Variants in NAV3 observed in about 807,000 individuals in gnomAD.
The protein encoded by NAV3 is pore membrane and/or filament interacting like protein 1.
Under a neutral mutation model 244.7 loss-of-function variants are expected in NAV3, and 87 were observed. The ratio of observed to expected loss-of-function variants is 0.36; its 90% confidence interval spans 0.30 to 0.42. The LOEUF (loss-of-function observed/expected upper bound fraction) is 0.42. Among genes scored for constraint, NAV3 ranks in the 20% least tolerant of loss-of-function variants. The pLI is 1.00. For synonymous variants in NAV3, 1,126 were observed against 1,042.2 expected (o/e 1.08, Z -1.55); for missense variants, 2,663 against 2,893.3 (o/e 0.92, Z 1.83).
intron 2 of NAV3, among the ~76,000 whole-genome samples, chr12:77,754,056 A>G (rs777470636): frequency 6.6e-6 from 1 of 152,148 alleles, no homozygotes; most frequent in Non-Finnish European, 1.5e-5. Context: ...AATACTTTTA[A>G]ATTATGAATT....
At chr12:77,637,809 A>C (rs773141709) in intron 2 of NAV3, among the ~76,000 whole-genome samples, 7 of 152,202 alleles carry the variant, frequency 4.6e-5, no homozygotes, top group Non-Finnish European at 8.8e-5. Context: ...TATGTGTTCT[A>C]TTAAGAAACT....
intron 12 of NAV3, among the ~76,000 whole-genome samples, chr12:78,104,271 C>T (rs995991137): frequency 1.3e-5 from 2 of 152,074 alleles, no homozygotes; most frequent in African/African-American, 2.4e-5. Context: ...GAGCATGACT[C>T]GAATACCTGC....
At chr12:77,847,593 A>G (rs1486764741) in intron 1 of NAV3, among the ~76,000 whole-genome samples, 1 of 152,224 alleles carries the variant, frequency 6.6e-6, no homozygotes, top group Non-Finnish European at 1.5e-5. Flanking sequence ...GACTTTATCT[A>G]CAATTAATTC....
rs549170614 is a variant in NAV3, at chr12:77,647,486, C to G, written c.72+75220C>G. Among the ~76,000 whole-genome samples, 122 of 151,056 alleles carry G rather than the reference C, an allele frequency of 8.1e-4. 3 individuals carry two copies. Among genetic ancestry groups the G allele is most frequent in the Middle Eastern group, 6.8e-3 (2 of 294 alleles). On this transcript the variant is annotated intron_variant, in intron 2 of 8. Coordinates refer to the NAV3 transcript ENST00000550042. ...TGTTTTGTTTTTGTTTTTTTTTGCCCAAACTAGATGAATTTTTTTTTAATT... is the reference window on the plus strand; with the variant it reads ...TGTTTTGTTTTTGTTTTTTTTTGCCGAAACTAGATGAATTTTTTTTTAATT...
At chr12:78,118,400 C>G in intron 14 of NAV3, 103 bp downstream of exon 14, 1 of 1,413,280 alleles carries the variant, frequency 7.1e-7, no homozygotes, top group Non-Finnish European at 9.5e-7. Context: ...ATACCAAATT[C>G]TTATCCATAT....
chr12:78,161,956 C>T (rs1302623188), intron 23 of NAV3, among the ~76,000 whole-genome samples: 1 of 152,072 alleles, frequency 6.6e-6, no homozygotes, highest in African/African-American at 2.4e-5. Flanking sequence ...AATTGAATTT[C>T]AAGGAAGCTA....
chr12:78,099,855 G>A (rs1954451174), intron 12 of NAV3, among the ~76,000 whole-genome samples: 1 of 151,802 alleles, frequency 6.6e-6, no homozygotes, highest in Non-Finnish European at 1.5e-5. Context: ...ATAAACTTGT[G>A]CCTGACTGCA....
In NAV3 at chr12:77,831,775, C is replaced by T. The variant is rs921801750; in HGVS notation, c.243+71C>T. 4.0e-6 allele frequency: 6 copies of T among 1,491,378 alleles called. No homozygotes were observed. The South Asian group carries it at 8.1e-5, about 20-fold the overall frequency. 92.4% of individuals were successfully genotyped at this position (1,491,378 alleles called of 1,614,324 possible). ...ATTTCTCTTTAAGTGCACTATAAAA[C>T]ATGTTATGAAATGGGGAGTAGTAGA... is the stretch of plus-strand genomic sequence containing the variant. On this transcript the variant is annotated intron_variant, in intron 1 of 39. Transcript: ENST00000397909.
chr12:78,105,678 AT>A (rs1276489056), intron 12 of NAV3, among the ~76,000 whole-genome samples: 2 of 151,632 alleles, frequency 1.3e-5, no homozygotes, highest in Non-Finnish European at 2.9e-5. Flanking sequence ...CTTTTTCTGC[AT>A]TTTATCTTTT....
intron 6 of NAV3, among the ~76,000 whole-genome samples, chr12:77,995,229 A>G (rs1209041892): frequency 6.6e-6 from 1 of 152,178 alleles, no homozygotes; most frequent in Non-Finnish European, 1.5e-5. Context: ...TGAGATGGGC[A>G]TGCATTAATT....
At chr12:77,675,399 C>T (rs752979820) in intron 2 of NAV3, among the ~76,000 whole-genome samples, 52 of 152,224 alleles carry the variant, frequency 3.4e-4, no homozygotes, top group Middle Eastern at 3.4e-3. Context: ...GGCAGAATTT[C>T]CTTCAGCTCT....
intron 2 of NAV3, among the ~76,000 whole-genome samples, chr12:77,774,035 A>C (rs553889038): frequency 6.6e-6 from 1 of 152,318 alleles, no homozygotes; most frequent in African/African-American, 2.4e-5. Flanking sequence ...AAATTACACA[A>C]GCTAAGAATG....
chr12:77,608,970 T>C (rs1272063116), intron 2 of NAV3, among the ~76,000 whole-genome samples: 1 of 152,092 alleles, frequency 6.6e-6, no homozygotes, highest in Non-Finnish European at 1.5e-5. Flanking sequence ...AAAACATATT[T>C]TTAATATACA....
intron 18 of NAV3, among the ~76,000 whole-genome samples, chr12:78,129,577 T>C (rs1956073119): frequency 6.6e-6 from 1 of 152,134 alleles, no homozygotes; most frequent in South Asian, 2.1e-4. Flanking sequence ...AGTAACAAAA[T>C]AATTAAAGAA....
At chr12:78,108,346 A>G (rs1438112882) in intron 12 of NAV3, among the ~76,000 whole-genome samples, 3 of 152,162 alleles carry the variant, frequency 2.0e-5, no homozygotes, top group African/African-American at 7.2e-5. Flanking sequence ...AGACTGCAAT[A>G]CAGTAATAGT....
chr12:78,195,367 T>C (rs1290996361), intron 34 of NAV3, among the ~76,000 whole-genome samples: 1 of 151,750 alleles, frequency 6.6e-6, no homozygotes, highest in Non-Finnish European at 1.5e-5. Context: ...ATTATTATTA[T>C]TATTATTTGC....
Position 78,175,203 on chromosome 12 carries a change from G to T in NAV3, c.4982-103G>T, listed in dbSNP as rs561651605. The T allele has an allele frequency of 7.0e-6, 9 of 1,284,280 alleles. No individual in the cohort carries two copies. The African/African-American group carries it at 1.2e-4, about 17-fold the overall frequency. The allele number at this position is 1,284,280 out of a possible 1,614,324, so 79.6% of individuals were successfully genotyped here. On this transcript the variant is annotated intron_variant, in intron 24 of 39. Transcript: ENST00000397909. ...ATTGAAATTATCTGTACAAAGCCTT[G>T]TTGACCTTTATTAGAGAACTGCCTC...
intron 2 of NAV3, among the ~76,000 whole-genome samples, chr12:77,693,213 T>C (rs1339601428): frequency 6.6e-6 from 1 of 151,996 alleles, no homozygotes; most frequent in Non-Finnish European, 1.5e-5. Context: ...TGTTTCACTG[T>C]TCATTCAGTC....
At chr12:78,043,659 G>C (rs988924660) in intron 9 of NAV3, among the ~76,000 whole-genome samples, 1 of 152,160 alleles carries the variant, frequency 6.6e-6, no homozygotes, top group Non-Finnish European at 1.5e-5. Context: ...TTGTGGTTTT[G>C]ATTTGCATTT....
Sources: allele counts gnomAD v4.1 joint callset (sites outside exome capture counted in the v4.1 genomes callset), GRCh38; gene constraint gnomAD v4.1.1; transcripts MANE v1.5; gene names NCBI Gene and HGNC (gene_info 2026-07-23, HGNC 2026-07-21).